JAK1: variants seen among roughly 807,000 people sequenced by gnomAD.
JAK1 encodes Janus kinase 1.
In JAK1, 16 loss-of-function variants were observed where a neutral mutation model predicts 136.6. The observed-to-expected ratio is 0.12, with a 90% CI of 0.08 to 0.18. The LOEUF (loss-of-function observed/expected upper bound fraction) is 0.18. Among genes scored for constraint, JAK1 ranks in the 10% least tolerant of loss-of-function variants. The pLI is 1.00. For missense variants in JAK1, 859 were observed against 1,450.1 expected, an observed-to-expected ratio of 0.59 and a Z score of 6.62; for synonymous variants, 492 against 519.5, an observed-to-expected ratio of 0.95 and a Z score of 0.72.
At chr1:64,891,068 C>T (rs1644927914) in intron 1 of JAK1, among the ~76,000 whole-genome samples, 1 of 151,980 alleles carries the variant, frequency 6.6e-6, no homozygotes, top group Non-Finnish European at 1.5e-5. Flanking sequence ...GTTTAGCATG[C>T]AGTAAGCACT....
intron 6 of JAK1, among the ~76,000 whole-genome samples, chr1:64,868,751 T>C (rs1263101372): frequency 1.3e-5 from 2 of 152,224 alleles, no homozygotes; most frequent in African/African-American, 4.8e-5. Context: ...AAAAAAACTA[T>C]TGGATGTCAT....
rs2101059812 is a variant in JAK1 at position 64,857,679 on chromosome 1, C to T, written c.1435G>A (p.Val479Ile). Reference protein sequence around the residue: ...CTDFDNILMTVTCFEKSEQVQ... With the variant: ...CTDFDNILMTITCFEKSEQVQ... Reference sequence around the variant, plus strand: ...ACCTCAGACTTCTCAAAGCAGGTGACGGTCATGAGGATGTTGTCAAAGTCG... The same window carrying T: ...ACCTCAGACTTCTCAAAGCAGGTGATGGTCATGAGGATGTTGTCAAAGTCG... The change falls in exon 10 of 25, where the codon GTC becomes ATC. Residue 479 changes from valine (V) to isoleucine (I), a missense_variant. This residue lies in a region of JAK1 where 409 missense variants were observed against 753.8 expected (regional missense o/e 0.54). Coordinates refer to ENST00000342505, the MANE Select transcript of JAK1 (RefSeq NM_002227.4). 1 of 1,614,150 alleles carries T rather than the reference C, an allele frequency of 6.2e-7. No individual in the cohort carries two copies. The highest frequency in any genetic ancestry group is 2.2e-5 in the East Asian group (1 of 44,870).
chr1:64,969,722 T>C (rs893322624), upstream of JAK1, among the ~76,000 whole-genome samples: 2 of 152,124 alleles, frequency 1.3e-5, no homozygotes, highest in African/African-American at 4.8e-5. Context: ...GAGAGGAATC[T>C]CGCATGACTC....
At chr1:65,019,662 ATCCTAACACT>A (rs1646920151) in intron 2 of JAK1, among the ~76,000 whole-genome samples, 1 of 152,160 alleles carries the variant, frequency 6.6e-6, no homozygotes, top group Admixed American at 6.5e-5. Flanking sequence ...CACTCCTGTA[ATCCTAACACT>A]TTGGGAGGCC....
intron 1 of JAK1, among the ~76,000 whole-genome samples, chr1:64,950,784 A>G (rs931457457): frequency 1.3e-5 from 2 of 152,168 alleles, no homozygotes; most frequent in African/African-American, 4.8e-5. Context: ...TTTATTTCCT[A>G]AATTCTCTAT....
intron 1 of JAK1, among the ~76,000 whole-genome samples, chr1:65,058,886 C>T (rs996722721): frequency 1.8e-4 from 28 of 151,936 alleles, no homozygotes; most frequent in Admixed American, 1.8e-3. Flanking sequence ...ATATATATAC[C>T]GAGGAACTAC....
chr1:64,887,241 A>G (rs1644866011), intron 1 of JAK1, among the ~76,000 whole-genome samples: 1 of 152,214 alleles, frequency 6.6e-6, no homozygotes, highest in South Asian at 2.1e-4. Flanking sequence ...GTAATGATGG[A>G]AAGCCCGGCA....
At chr1:65,056,462 C>G (rs1380481909) in intron 1 of JAK1, among the ~76,000 whole-genome samples, 1 of 152,212 alleles carries the variant, frequency 6.6e-6, no homozygotes, top group Non-Finnish European at 1.5e-5. Context: ...TGTCTGAGGA[C>G]TGGCACAATG....
At position 64,846,742 on chromosome 1, in the gene JAK1, G is replaced by A. The variant is rs777098089; in HGVS notation, c.1900-6C>T. ...CTGGCTGCCTCGAAGAAGGCCTGTG[G>A]GCGAGCAGGACATAGGAATGTCTCA... is the stretch of plus-strand genomic sequence containing the variant. On this transcript the variant is annotated splice_region_variant and splice_polypyrimidine_tract_variant and intron_variant, in intron 13 of 24. Transcript: ENST00000342505. 9.9e-6 allele frequency: 16 copies of A among 1,612,062 alleles called. No homozygotes were observed. In the East Asian group the frequency reaches 3.1e-4, roughly 31 times the overall value.
In JAK1 at chr1:64,891,529, T is replaced by A. The variant is rs574067006; in HGVS notation, c.-77-5188A>T. ...CTCTGCCCTGGCACCACTGCCACAG[T>A]GTGAGAGGAAAGTCCTAGCAACATG... On this transcript the variant is annotated intron_variant, in intron 1 of 24. Coordinates refer to ENST00000342505, the MANE Select transcript of JAK1 (RefSeq NM_002227.4). Among the ~76,000 whole-genome samples the A allele has an allele frequency of 7.2e-5, 11 of 152,312 alleles. No individual in the cohort carries two copies. The East Asian group carries it at 2.1e-3, about 29-fold the overall frequency.
chr1:65,058,565 T>C, intron 1 of JAK1: 1 of 520,808 alleles, frequency 1.9e-6, no homozygotes. Flanking sequence ...CATTACTCTC[T>C]CTGAAGGCTC....
intron 1 of JAK1, among the ~76,000 whole-genome samples, chr1:64,945,678 C>T (rs200137104): frequency 2.3e-5 from 2 of 87,026 alleles, no homozygotes; most frequent in Non-Finnish European, 4.0e-5. Flanking sequence ...GACGGACAAA[C>T]AAAAATGGGA....
chr1:64,994,361 G>A (rs1429698884), intron 2 of JAK1, among the ~76,000 whole-genome samples: 2 of 152,208 alleles, frequency 1.3e-5, no homozygotes, highest in East Asian at 3.9e-4. Context: ...CATGTAATGA[G>A]CCCGGAAGGA....
intron 1 of JAK1, among the ~76,000 whole-genome samples, chr1:64,955,947 C>T (rs1052139615): frequency 6.6e-6 from 1 of 152,156 alleles, no homozygotes; most frequent in Non-Finnish European, 1.5e-5. Context: ...TCTGGCCTGC[C>T]GCTGCCCATT....
intron 5 of JAK1, 24 bp from the exon 6 acceptor site, chr1:64,869,498 T>C (rs1159638400): frequency 6.2e-7 from 1 of 1,607,886 alleles, no homozygotes; most frequent in Non-Finnish European, 8.5e-7. Flanking sequence ...GGAGAAACCA[T>C]GAGAGCCCAC....
At chr1:64,949,670 C>A (rs2100567495) in intron 1 of JAK1, among the ~76,000 whole-genome samples, 1 of 152,284 alleles carries the variant, frequency 6.6e-6, no homozygotes, top group South Asian at 2.1e-4. Context: ...GTACAACAGT[C>A]AGGAAATCAG....
intron 2 of JAK1, among the ~76,000 whole-genome samples, chr1:65,014,483 A>C (rs1646876062): frequency 6.6e-6 from 1 of 151,986 alleles, no homozygotes; most frequent in Non-Finnish European, 1.5e-5. Flanking sequence ...AAGAAAGAAA[A>C]ATTCTCACTC....
In JAK1 at chr1:65,043,191, T is replaced by C. The variant is rs558469894; in HGVS notation, c.-78+1289A>G. Among the ~76,000 whole-genome samples the C allele has an allele frequency of 7.4e-4, 113 of 152,306 alleles. 1 individual carries two copies. Among genetic ancestry groups the C allele is most frequent in the Non-Finnish European group, 1.4e-3 (92 of 68,016 alleles). ...CTCTGTGACTAAAGAAGACATGGTA[T>C]TGCATCTTTGTAATTAGCCTCCATT... On this transcript the variant is annotated intron_variant, in intron 2 of 25. Coordinates refer to the JAK1 transcript ENST00000671954.
chr1:65,038,198 C>CTTTTTTTTTTTT (rs113538392), intron 2 of JAK1, among the ~76,000 whole-genome samples: 1 of 133,278 alleles, frequency 7.5e-6, no homozygotes, highest in Non-Finnish European at 1.6e-5. Context: ...TTTTTCTTTT[C>CTTTTTTTTTTTT]TTTTTTTTTT....
Sources: gnomAD v4.1 joint callset for allele counts (sites outside exome capture counted in the v4.1 genomes callset) on GRCh38, gnomAD v4.1.1 for gene constraint, gnomAD v4.1.1 regional missense constraint, MANE v1.5 for transcripts, NCBI Gene and HGNC (gene_info 2026-07-23, HGNC 2026-07-21) for gene names.